The following CLPB variants were observed in gnomAD, a reference collection of about 807,000 sequenced individuals.
CLPB encodes the protein mitochondrial disaggregase.
CLPB carries 40 observed loss-of-function variants against 78.4 expected under a neutral mutation model. That is an observed-to-expected ratio of 0.51 (90% CI 0.40 to 0.66). The LOEUF (loss-of-function observed/expected upper bound fraction) is 0.66. Among genes scored for constraint, CLPB ranks in the 30% least tolerant of loss-of-function variants. The pLI is 0.00. For synonymous variants in CLPB, 333 were observed against 348.0 expected (o/e 0.96, Z 0.48); for missense variants, 780 against 886.9 (o/e 0.88, Z 1.53).
At chr11:72,321,912 T>G (rs1226981504) in intron 6 of CLPB, among the ~76,000 whole-genome samples, 1 of 140,606 alleles carries the variant, frequency 7.1e-6, no homozygotes. Context: ...TGGTATGACA[T>G]AGAGGCCTGG....
In CLPB at chr11:72,290,065, A is replaced by T. The variant is rs1949433764; in HGVS notation, c.*3302T>A. ...CCAGATCTTGGTTTCCAGTGGCATC[A>T]AGAAACAACTTGGTTTCTAAGTTCC... On this transcript the variant is annotated 3_prime_UTR_variant, in exon 16 of 16. Transcript: ENST00000538039. 6.6e-6 allele frequency: 1 copy of T among 152,222 alleles called. No homozygotes were observed. The highest frequency in any genetic ancestry group is 6.5e-5 in the Admixed American group (1 of 15,286). The allele number at this position is 152,222 out of a possible 1,614,324, so 9.4% of individuals were successfully genotyped here. A position where few individuals can be genotyped will look rare whatever the true frequency, so the allele number is the denominator to read the frequency against.
In CLPB at chr11:72,399,688, T is replaced by C. The variant is rs2135072001; in HGVS notation, c.542+3278A>G. 2.0e-5 allele frequency among the ~76,000 whole-genome samples: 3 copies of C among 152,330 alleles called. No individual in the cohort carries two copies. The Middle Eastern group carries it at 0.01, about 518-fold the overall frequency. On this transcript the variant is annotated intron_variant, in intron 3 of 15. Coordinates refer to ENST00000538039, the MANE Select transcript of CLPB (RefSeq NM_001258392.3). ...TTGGGCTACTCCGAGGATCTCTCTC[T>C]TGAGCTTGTGGCTGCCTACATCCTA...
chr11:72,311,621 G>A (rs1331586121), intron 7 of CLPB, among the ~76,000 whole-genome samples: 1 of 152,132 alleles, frequency 6.6e-6, no homozygotes, highest in Admixed American at 6.5e-5. Flanking sequence ...CTGACTCTCC[G>A]CTGCCACAGC....
intron 5 of CLPB, among the ~76,000 whole-genome samples, chr11:72,344,207 T>G (rs1950470992): frequency 6.6e-6 from 1 of 152,142 alleles, no homozygotes; most frequent in South Asian, 2.1e-4. Context: ...CTTTTCTACC[T>G]TAAAAAAACA....
At chr11:72,331,403 CAAA>C (rs748381781) in intron 5 of CLPB, among the ~76,000 whole-genome samples, 2 of 114,426 alleles carry the variant, frequency 1.7e-5, no homozygotes, top group Non-Finnish European at 1.9e-5. Flanking sequence ...GACTCTGTCT[CAAA>C]AAAAAAAAAA....
Position 72,293,273 on chromosome 11 carries a change from G to A in CLPB, c.*94C>T, listed in dbSNP as rs1949482017. The A allele has an allele frequency of 6.8e-7, 1 of 1,473,544 alleles. No homozygotes were observed. The highest frequency in any genetic ancestry group is 1.4e-5 in the African/African-American group (1 of 71,898). 91.3% of individuals were successfully genotyped at this position (1,473,544 alleles called of 1,614,324 possible). On this transcript the variant is annotated 3_prime_UTR_variant, in exon 16 of 16. Coordinates refer to ENST00000538039, the MANE Select transcript of CLPB (RefSeq NM_001258392.3). Reference sequence around the variant, plus strand: ...GCAGGCCTGAGACTGGGTAGAGATGGGAGCGGCATGAGGGGAAGGTAAGTC... The same window carrying A: ...GCAGGCCTGAGACTGGGTAGAGATGAGAGCGGCATGAGGGGAAGGTAAGTC...
intron 7 of CLPB, among the ~76,000 whole-genome samples, chr11:72,309,808 C>A (rs1332499929): frequency 1.3e-5 from 2 of 152,152 alleles, no homozygotes; most frequent in Admixed American, 1.3e-4. Context: ...CTGATCTGGT[C>A]CCCAGGGTGT....
intron 11 of CLPB, among the ~76,000 whole-genome samples, chr11:72,299,982 C>T (rs1278492829): frequency 1.3e-5 from 2 of 152,190 alleles, no homozygotes; most frequent in African/African-American, 4.8e-5. Flanking sequence ...AGAGGTGCCT[C>T]TCCAGGGAGA....
chr11:72,384,413 C>T (rs536471526), intron 3 of CLPB, among the ~76,000 whole-genome samples: 1 of 150,520 alleles, frequency 6.6e-6, no homozygotes, highest in Non-Finnish European at 1.5e-5. Context: ...AAAGAAACCA[C>T]AAAGTAAAAC....
At chr11:72,408,131 T>C in intron 2 of CLPB, 10 of 1,535,032 alleles carry the variant, frequency 6.5e-6, no homozygotes, top group Non-Finnish European at 8.7e-6. Context: ...AATCTTGGTG[T>C]TCTTCAGTGA....
At chr11:72,407,211 T>G (rs1387880599) in intron 2 of CLPB, among the ~76,000 whole-genome samples, 1 of 152,168 alleles carries the variant, frequency 6.6e-6, no homozygotes, top group Non-Finnish European at 1.5e-5. Flanking sequence ...CTACAGTATG[T>G]GCATAGTTGA....
intron 2 of CLPB, among the ~76,000 whole-genome samples, chr11:72,413,705 T>C (rs868356780): frequency 6.6e-6 from 1 of 152,250 alleles, no homozygotes; most frequent in South Asian, 2.1e-4. Flanking sequence ...CAATTTCATC[T>C]AGGATAGTTC....
At chr11:72,410,130 T>C (rs1352854002) in intron 2 of CLPB, among the ~76,000 whole-genome samples, 1 of 152,188 alleles carries the variant, frequency 6.6e-6, no homozygotes, top group Non-Finnish European at 1.5e-5. Flanking sequence ...CTCAGGAGGC[T>C]GAAGCAGGAG....
At chr11:72,407,465 T>C (rs1855742415) in intron 2 of CLPB, among the ~76,000 whole-genome samples, 1 of 152,226 alleles carries the variant, frequency 6.6e-6, no homozygotes, top group African/African-American at 2.4e-5. Flanking sequence ...TTCGGGATTT[T>C]CTCTTCTGTA....
chr11:72,427,350 G>A (rs980841014), intron 2 of CLPB, among the ~76,000 whole-genome samples: 4 of 152,132 alleles, frequency 2.6e-5, no homozygotes, highest in South Asian at 2.1e-4. Context: ...CATTATTTAC[G>A]AGGTCTGAGT....
Position 72,358,906 on chromosome 11 carries a change from C to T in CLPB, c.749G>A (p.Arg250His), listed in dbSNP as rs1038447717. ...TCCATCAAGCAGCTCCTTGACAGTGCGGTAGTCATCAGCAAGAACAGCATA... is the reference window on the plus strand; with the variant it reads ...TCCATCAAGCAGCTCCTTGACAGTGTGGTAGTCATCAGCAAGAACAGCATA... Reference protein sequence around the residue: ...LHYAVLADDYRTVKELLDGGA... With the variant: ...LHYAVLADDYHTVKELLDGGA... Residue 250 changes from arginine to histidine, a missense_variant, in exon 5 of 16, where the codon CGC becomes CAC. Physicochemically the swap from Arg to His is conservative, Grantham distance 29. This residue lies in a region of CLPB where 417 missense variants were observed against 414.7 expected (regional missense o/e 1.01). Coordinates refer to ENST00000538039, the MANE Select transcript of CLPB (RefSeq NM_001258392.3). 27 of 1,606,074 alleles carry T rather than the reference C, an allele frequency of 1.7e-5. No individual in the cohort carries two copies. In the Admixed American group the frequency reaches 3.5e-4, roughly 21 times the overall value.
At chr11:72,416,688 A>G (rs933073899) in intron 2 of CLPB, among the ~76,000 whole-genome samples, 2 of 149,416 alleles carry the variant, frequency 1.3e-5, no homozygotes, top group African/African-American at 5.0e-5. Flanking sequence ...TTGAGCCAAG[A>G]TCGCGCCACT....
At chr11:72,347,346 A>T (rs752864940) in intron 5 of CLPB, among the ~76,000 whole-genome samples, 1 of 152,134 alleles carries the variant, frequency 6.6e-6, no homozygotes, top group Non-Finnish European at 1.5e-5. Flanking sequence ...AACTCCAGCT[A>T]CTTGGGACCC....
rs1256911691 is a variant in CLPB, at chr11:72,286,825, GTGTGTGT to G, written c.*6535_*6541del. On this transcript the variant is annotated 3_prime_UTR_variant, in exon 16 of 16. Coordinates refer to ENST00000538039, the MANE Select transcript of CLPB (RefSeq NM_001258392.3). ...CGTGTGTGTGTGTGTGTGTGTGTGT[GTGTGTGT>G]AGTTATCTGAAATACTGGCAAACCA... is the stretch of plus-strand genomic sequence containing the variant. 6.8e-6 allele frequency: 1 copy of G among 146,848 alleles called. No homozygotes were observed. Among genetic ancestry groups the G allele is most frequent in the African/African-American group, 2.6e-5 (1 of 37,952 alleles). 9.1% of individuals were successfully genotyped at this position (146,848 alleles called of 1,614,324 possible).
Sources: gnomAD v4.1 joint callset for allele counts (sites outside exome capture counted in the v4.1 genomes callset) on GRCh38, gnomAD v4.1.1 for gene constraint, gnomAD v4.1.1 regional missense constraint, MANE v1.5 for transcripts, NCBI Gene and HGNC (gene_info 2026-07-23, HGNC 2026-07-21) for gene names.